HTT: variants seen among roughly 807,000 people sequenced by gnomAD.
HTT encodes huntington disease protein.
A neutral mutation model predicts 362.3 loss-of-function variants in HTT; 104 were observed. The ratio of observed to expected loss-of-function variants is 0.29; its 90% CI spans 0.24 to 0.34. HTT has a LOEUF of 0.34. Ranked by LOEUF, HTT falls within the 10% of genes least tolerant of loss-of-function variation. HTT has a pLI of 1.00. For missense variants in HTT, 3,301 were observed against 3,928.6 expected (o/e 0.84, Z 4.27); for synonymous variants, 1,577 against 1,548.7 (o/e 1.02, Z -0.43).
At chr4:3,219,887 G>T (rs1479138947) in intron 52 of HTT, among the ~76,000 whole-genome samples, 2 of 152,224 alleles carry the variant, frequency 1.3e-5, no homozygotes, top group East Asian at 3.8e-4. Flanking sequence ...GGCGAGGGGT[G>T]CTGTCTCTAA....
chr4:3,222,708 C>T lies in HTT; in HGVS notation c.7470+221C>T, dbSNP rs145368163. On this transcript the variant is annotated intron_variant, in intron 54 of 66. Transcript: ENST00000355072. ...CCAATGGCTGGAATGCATTTTATTACGGTGCATTCCATGTTAAGGATCAAT... is the reference window on the plus strand; with the variant it reads ...CCAATGGCTGGAATGCATTTTATTATGGTGCATTCCATGTTAAGGATCAAT... 2.2e-3 allele frequency among the ~76,000 whole-genome samples: 334 copies of T among 152,254 alleles called. 3 individuals carry two copies. The highest frequency in any genetic ancestry group is 0.01 in the South Asian group (49 of 4,822).
intron 57 of HTT, among the ~76,000 whole-genome samples, chr4:3,227,864 A>G (rs1340903669): frequency 6.6e-6 from 1 of 152,164 alleles, no homozygotes; most frequent in East Asian, 1.9e-4. Flanking sequence ...CCTAGATGCC[A>G]CTGGACTGAG....
chr4:3,198,006 A>G (rs1448527601), intron 40 of HTT, among the ~76,000 whole-genome samples: 1 of 152,160 alleles, frequency 6.6e-6, no homozygotes, highest in Non-Finnish European at 1.5e-5. Flanking sequence ...ACCAGGAAGC[A>G]AGTGTAGAGA....
At chr4:3,086,105 T>A (rs954630412) in intron 1 of HTT, among the ~76,000 whole-genome samples, 1 of 152,226 alleles carries the variant, frequency 6.6e-6, no homozygotes. Flanking sequence ...TTCTTCTAAT[T>A]GAATTTCCCA....
intron 27 of HTT, among the ~76,000 whole-genome samples, chr4:3,155,127 A>G (rs1717077972): frequency 6.6e-6 from 1 of 151,484 alleles, no homozygotes; most frequent in South Asian, 2.1e-4. Flanking sequence ...ACCCATTCTC[A>G]CGCTGTCTCT....
chr4:3,226,150 G>A (rs949099635), intron 57 of HTT, among the ~76,000 whole-genome samples: 5 of 152,096 alleles, frequency 3.3e-5, no homozygotes, highest in African/African-American at 7.2e-5. Context: ...GGCCGCAGGC[G>A]TGGCCGTGAG....
chr4:3,130,709 G>A (rs363084), intron 14 of HTT, among the ~76,000 whole-genome samples: 10,317 of 152,174 alleles, frequency 0.068, 480 homozygotes, highest in African/African-American at 0.13. Flanking sequence ...TGATGGTTGC[G>A]TATGGCCTGC....
At position 3,125,549 on chromosome 4, in the gene HTT, G is replaced by A; in HGVS notation, c.1322G>A (p.Gly441Asp). Reference protein sequence around the residue: ...CSPVLSRKQKGKVLLGEEEAL... With the variant: ...CSPVLSRKQKDKVLLGEEEAL... Reference sequence around the variant, plus strand: ...GGAATGTTGGTACATTATTTACTAGGCAAAGTGCTCTTAGGAGAAGAAGAA... The same window carrying A: ...GGAATGTTGGTACATTATTTACTAGACAAAGTGCTCTTAGGAGAAGAAGAA... The change falls in exon 11 of 67, where the codon GGC becomes GAC. Residue 441 changes from glycine (G) to aspartate (D), a missense_variant and splice_region_variant. By Grantham distance (94) the Gly-to-Asp change is moderately conservative. Transcript: ENST00000355072. 4 of 1,609,922 alleles carry A rather than the reference G, an allele frequency of 2.5e-6. No individual in the cohort carries two copies. The highest frequency in any genetic ancestry group is 3.4e-6 in the Non-Finnish European group (4 of 1,176,436).
In HTT at chr4:3,174,896, A is replaced by C. The variant is rs367931986; in HGVS notation, c.4246-50A>C. ...TCCAGGTATTTTGCTTGAAGCTTTT[A>C]GTTGAAGGCTTACTTATGGATTCTT... On this transcript the variant is annotated intron_variant, in intron 32 of 66. Coordinates refer to ENST00000355072, the MANE Select transcript of HTT (RefSeq NM_001388492.1). The C allele has an allele frequency of 4.6e-5, 72 of 1,549,498 alleles. No homozygotes were observed. The African/African-American group carries it at 8.6e-4, about 19-fold the overall frequency.
rs1323440111 is a variant in HTT at position 3,233,826 on chromosome 4, C to T, written c.8456+473C>T. On this transcript the variant is annotated intron_variant, in intron 61 of 66. Transcript: ENST00000355072. ...GTCCTTGACAAAGCACGGCTGGTGC[C>T]GCAACCCCTCAGCGAGCAAGTCAAG... 4.6e-5 allele frequency among the ~76,000 whole-genome samples: 7 copies of T among 152,300 alleles called. No individual in the cohort carries two copies. The South Asian group carries it at 6.2e-4, about 14-fold the overall frequency.
chr4:3,229,215 AAC>A (rs768566161), intron 59 of HTT, among the ~76,000 whole-genome samples: 92 of 146,108 alleles, frequency 6.3e-4, no homozygotes, highest in Non-Finnish European at 8.9e-4. Flanking sequence ...CCATACACAC[AAC>A]ACACACAGCA....
At chr4:3,133,915 A>T (rs972996345) in intron 18 of HTT, among the ~76,000 whole-genome samples, 4 of 152,130 alleles carry the variant, frequency 2.6e-5, no homozygotes, top group African/African-American at 9.7e-5. Context: ...TCAGCCATGC[A>T]TGTGATGGTG....
chr4:3,208,300 G>T (rs551862416), intron 45 of HTT, among the ~76,000 whole-genome samples: 33 of 152,286 alleles, frequency 2.2e-4, no homozygotes, highest in African/African-American at 7.7e-4. Flanking sequence ...CCAGATGAGG[G>T]AGATTAAAAG....
Position 3,089,956 on chromosome 4 carries a change from T to C in HTT, c.347+2934T>C, listed in dbSNP as rs137978801. 4.7e-4 allele frequency among the ~76,000 whole-genome samples: 71 copies of C among 152,282 alleles called. 1 individual carries two copies. In the East Asian group the frequency reaches 0.012, roughly 25 times the overall value. ...AGCATGTTAAAAGGAGTTTTTGGAG[T>C]CAGAGAGGTTATTCTTGGTTTCATA... On this transcript the variant is annotated intron_variant, in intron 2 of 66. Coordinates refer to ENST00000355072, the MANE Select transcript of HTT (RefSeq NM_001388492.1).
chr4:3,075,130 CA>C, intron 1 of HTT, 42 bp downstream of exon 1: 1 of 1,211,896 alleles, frequency 8.3e-7, no homozygotes, highest in Non-Finnish European at 1.0e-6. Flanking sequence ...CGGCGGGTCC[CA>C]GGCTACGGCG....
intron 1 of HTT, 39 bp downstream of exon 1, chr4:3,075,127 TC>T: frequency 8.2e-7 from 1 of 1,213,144 alleles, no homozygotes; most frequent in East Asian, 3.4e-5. Context: ...TCCCGGCGGG[TC>T]CCAGGCTACG....
Position 3,174,967 on chromosome 4 carries a change from C to G in HTT, c.4267C>G (p.Arg1423Gly). Residue 1423 changes from arginine to glycine, a missense_variant, in exon 33 of 67, where the codon CGT becomes GGT. Around this residue, in one of 4 missense-constraint regions of HTT, gnomAD observed 2,316 missense variants for 2,658.5 expected, o/e 0.87. Coordinates refer to ENST00000355072, the MANE Select transcript of HTT (RefSeq NM_001388492.1). Reference sequence around the variant, plus strand: ...ATAGAATGCTATTCATAATCACATTCGTTTGTTTGAACCTCTTGTTATAAA... The same window carrying G: ...ATAGAATGCTATTCATAATCACATTGGTTTGTTTGAACCTCTTGTTATAAA... Reference protein sequence around the residue: ...ADKNAIHNHIRLFEPLVIKAL... With the variant: ...ADKNAIHNHIGLFEPLVIKAL... 6.2e-7 allele frequency: 1 copy of G among 1,600,662 alleles called. No individual in the cohort carries two copies. The highest frequency in any genetic ancestry group is 8.5e-7 in the Non-Finnish European group (1 of 1,170,850).
In HTT at chr4:3,206,428, C is replaced by T; in HGVS notation, c.5719-68C>T. ...CTCCTTCTTACCCTTTCTGGCCTTTCTATGGCATTAATACCTGGTCTCTTC... is the reference window on the plus strand; with the variant it reads ...CTCCTTCTTACCCTTTCTGGCCTTTTTATGGCATTAATACCTGGTCTCTTC... On this transcript the variant is annotated intron_variant, in intron 42 of 66. Transcript: ENST00000355072. This position sits in a 1 kb window ranked among gnomAD's most constrained non-coding sequence, Gnocchi z 4.6. 1 of 1,263,860 alleles carries T rather than the reference C, an allele frequency of 7.9e-7. No homozygotes were observed. Among genetic ancestry groups the T allele is most frequent in the African/African-American group, 1.5e-5 (1 of 67,798 alleles). 78.3% of individuals were successfully genotyped at this position (1,263,860 alleles called of 1,614,324 possible). A position where few individuals can be genotyped will look rare whatever the true frequency, so the allele number is the denominator to read the frequency against.
At chr4:3,232,730 G>A (rs1036162518) in intron 60 of HTT, among the ~76,000 whole-genome samples, 1 of 152,254 alleles carries the variant, frequency 6.6e-6, no homozygotes, top group Non-Finnish European at 1.5e-5. Context: ...CTCTCCCAGC[G>A]GGGTCGTGCA....
Sources: allele counts gnomAD v4.1 joint callset (sites outside exome capture counted in the v4.1 genomes callset), GRCh38; gene constraint gnomAD v4.1.1; regional missense constraint gnomAD v4.1.1; non-coding constraint Gnocchi (gnomAD v3.1); transcripts MANE v1.5; gene names NCBI Gene and HGNC (gene_info 2026-07-23, HGNC 2026-07-21).